Variants in HENMT1 observed in about 807,000 individuals in gnomAD.
HENMT1 encodes the protein HEN methyltransferase 1.
Under a neutral mutation model 31.1 loss-of-function variants are expected in HENMT1, and 27 were observed. That is an observed-to-expected ratio of 0.87 (90% CI 0.64 to 1.20). The LOEUF (loss-of-function observed/expected upper bound fraction) is 1.20. Ranked by LOEUF, HENMT1 falls within the 50% of genes most tolerant of loss-of-function variation. The pLI is 0.00. For synonymous variants in HENMT1, 167 were observed against 172.2 expected, an observed-to-expected ratio of 0.97 and a Z score of 0.24; for missense variants, 438 against 469.6, an observed-to-expected ratio of 0.93 and a Z score of 0.62.
At position 108,658,086 on chromosome 1, in the gene HENMT1, CACACACACAT is replaced by C. The variant is rs1340931856; in HGVS notation, c.22-517_22-508del. The stretch of plus-strand genomic sequence containing the variant: ...ATATATATGTACACACACACACACA[CACACACACAT>C]ATATACACACACACACACACACATA... On this transcript the variant is annotated intron_variant, in intron 2 of 7. Coordinates refer to ENST00000651461, the MANE Select transcript of HENMT1 (RefSeq NM_001102592.2). 3.3e-4 allele frequency among the ~76,000 whole-genome samples: 42 copies of C among 129,148 alleles called. 1 individual carries two copies. In the East Asian group the frequency reaches 6.7e-3, roughly 21 times the overall value. 84.7% of individuals were successfully genotyped at this position (129,148 alleles called of 152,430 possible).
intron 5 of HENMT1, among the ~76,000 whole-genome samples, chr1:108,653,564 T>C (rs571960680): frequency 2.6e-5 from 4 of 152,372 alleles, no homozygotes; most frequent in South Asian, 2.1e-4. Flanking sequence ...CACCAGTTTA[T>C]ATGAGTTCCC....
Position 108,648,539 on chromosome 1 carries a change from C to A in HENMT1, c.*27G>T. The A allele has an allele frequency of 1.3e-6, 2 of 1,592,362 alleles. No homozygotes were observed. Among genetic ancestry groups the A allele is most frequent in the East Asian group, 2.2e-5 (1 of 44,512 alleles). On this transcript the variant is annotated 3_prime_UTR_variant, in exon 8 of 8. Coordinates refer to ENST00000651461, the MANE Select transcript of HENMT1 (RefSeq NM_001102592.2). ...AAGTGAGCACAACTATCGCTGAGAC[C>A]CTGAAATTTCAGGAAATAAACATGG...
intron 5 of HENMT1, among the ~76,000 whole-genome samples, chr1:108,651,664 A>AG (rs2100996746): frequency 6.6e-6 from 1 of 151,762 alleles, no homozygotes; most frequent in African/African-American, 2.4e-5. Flanking sequence ...AGAAAAAGAA[A>AG]GAAGGAAGGA....
intron 2 of HENMT1, 68 bp from the exon 3 acceptor site, chr1:108,657,647 A>C (rs2101001847): frequency 1.3e-6 from 1 of 746,016 alleles, no homozygotes; most frequent in Non-Finnish European, 1.9e-6. Flanking sequence ...AATAAGGGGC[A>C]AAAAAAAAAA....
chr1:108,661,085 C>T lies in HENMT1; in HGVS notation c.-201G>A, dbSNP rs1461341541. 2 of 779,116 alleles carry T rather than the reference C, an allele frequency of 2.6e-6. No individual in the cohort carries two copies. Among genetic ancestry groups the T allele is most frequent in the Non-Finnish European group, 3.1e-6 (2 of 641,904 alleles). The allele number at this position is 779,116 out of a possible 1,614,324, so 48.3% of individuals were successfully genotyped here. On this transcript the variant is annotated 5_prime_UTR_variant, in exon 1 of 8. Coordinates refer to ENST00000651461, the MANE Select transcript of HENMT1 (RefSeq NM_001102592.2). ...CCAGCGTCCTCAACTCAGCGCCGCC[C>T]TGACGCCCGCGCACGCACGGCCTCG... is the stretch of plus-strand genomic sequence containing the variant.
At chr1:108,660,907 G>A (rs1658443095) in intron 1 of HENMT1, 56 bp downstream of exon 1, 36 of 844,208 alleles carry the variant, frequency 4.3e-5, no homozygotes, top group Non-Finnish European at 4.8e-5. Flanking sequence ...CTGGGCGACA[G>A]AGCGAGACTC....
chr1:108,660,868 G>A (rs1658440494), intron 1 of HENMT1, 95 bp downstream of exon 1: 1 of 502,232 alleles, frequency 2.0e-6, no homozygotes, highest in Admixed American at 6.4e-5. Context: ...AGCTTGCAGT[G>A]AGCCGAGATC....
chr1:108,659,795 A>G (rs1179466822), intron 2 of HENMT1, 69 bp downstream of exon 2: 1 of 1,028,752 alleles, frequency 9.7e-7, no homozygotes, highest in Non-Finnish European at 1.5e-6. Context: ...TTTGTTTGCA[A>G]TTATCTCACA....
intron 2 of HENMT1, 83 bp from the exon 3 acceptor site, chr1:108,657,662 T>G: frequency 1.5e-6 from 2 of 1,295,368 alleles, no homozygotes; most frequent in East Asian, 2.5e-5. Flanking sequence ...AAAAAAAACT[T>G]TATTTCCCCC....
intron 2 of HENMT1, 114 bp from the exon 3 acceptor site, chr1:108,657,693 T>G: frequency 1.1e-6 from 1 of 934,682 alleles, no homozygotes; most frequent in Admixed American, 2.8e-5. Context: ...AAAAACACAC[T>G]GGCCTTCACA....
intron 3 of HENMT1, among the ~76,000 whole-genome samples, chr1:108,656,440 T>C (rs1658240622): frequency 6.6e-6 from 1 of 152,238 alleles, no homozygotes; most frequent in Non-Finnish European, 1.5e-5. Flanking sequence ...ATGTAGATTA[T>C]ATGCAATTAT....
chr1:108,660,173 C>T (rs1212259691), intron 1 of HENMT1, among the ~76,000 whole-genome samples: 1 of 150,530 alleles, frequency 6.6e-6, no homozygotes, highest in Non-Finnish European at 1.5e-5. Context: ...ATTTATACAC[C>T]GAAGTTCATA....
chr1:108,658,079 A>T (rs866029977), intron 2 of HENMT1, among the ~76,000 whole-genome samples: 3,149 of 122,560 alleles, frequency 0.026, 146 homozygotes, highest in African/African-American at 0.087. Context: ...GTACACACAC[A>T]CACACACACA....
chr1:108,649,227 T>C (rs1309699230), intron 7 of HENMT1: 4 of 623,442 alleles, frequency 6.4e-6, no homozygotes, highest in Non-Finnish European at 8.9e-6. Flanking sequence ...GCCAGGTTTC[T>C]ACCAAGTCAC....
chr1:108,650,850 C>T (rs771438642), intron 6 of HENMT1, among the ~76,000 whole-genome samples, 180 bp downstream of exon 6: 3 of 152,230 alleles, frequency 2.0e-5, no homozygotes, highest in African/African-American at 4.8e-5. Context: ...CCCCTTTCCA[C>T]ACTTGCCCAA....
Position 108,650,232 on chromosome 1 carries a change from A to C in HENMT1, c.735T>G (p.His245Gln), listed in dbSNP as rs1385027977. The C allele has an allele frequency of 6.2e-7, 1 of 1,614,178 alleles. No individual in the cohort carries two copies. Among genetic ancestry groups the C allele is most frequent in the Non-Finnish European group, 8.5e-7 (1 of 1,180,004 alleles). ...KATESCLSEQ[H>Q]DQHVYKAVFT... is the part of the protein sequence containing the mutation. ...TCACAGCTTTATAAACATGCTGATC[A>C]TGCTGCTCTGAAAGACATGATTCTG... Residue 245 changes from histidine to glutamine, a missense_variant, in exon 7 of 8, where the codon CAT (histidine) becomes CAG (glutamine). Transcript: ENST00000651461.
chr1:108,653,710 C>T (rs1658128082), intron 5 of HENMT1, among the ~76,000 whole-genome samples: 1 of 152,134 alleles, frequency 6.6e-6, no homozygotes, highest in African/African-American at 2.4e-5. Context: ...TACTTGTTAA[C>T]CATCTGTATG....
intron 7 of HENMT1, chr1:108,649,575 C>T (rs935222676): frequency 4.0e-5 from 14 of 351,072 alleles, no homozygotes; most frequent in Admixed American, 7.7e-5. Context: ...ATGATTGTGC[C>T]GGTGCACTCC....
intron 6 of HENMT1, among the ~76,000 whole-genome samples, chr1:108,650,794 C>A (rs1199303562): frequency 6.6e-6 from 1 of 152,156 alleles, no homozygotes; most frequent in African/African-American, 2.4e-5. Flanking sequence ...CATCTCCATG[C>A]CAGTACTACA....
Sources: allele counts gnomAD v4.1 joint callset (sites outside exome capture counted in the v4.1 genomes callset), GRCh38; gene constraint gnomAD v4.1.1; transcripts MANE v1.5; gene names NCBI Gene and HGNC (gene_info 2026-07-23, HGNC 2026-07-21).